Variants in NBAS observed in about 807,000 individuals in gnomAD.
NBAS encodes the protein NBAS subunit of NRZ tethering complex.
A neutral mutation model predicts 302.5 loss-of-function variants in NBAS; 219 were observed. That is an observed-to-expected ratio of 0.72 (90% CI 0.65 to 0.81). The LOEUF (loss-of-function observed/expected upper bound fraction) is 0.81. Among genes scored for constraint, NBAS ranks in the 30% least tolerant of loss-of-function variants. NBAS has a pLI of 0.00. For synonymous variants in NBAS, 1,118 were observed against 1,021.6 expected (o/e 1.09, Z -1.80); for missense variants, 2,932 against 2,841.6 (o/e 1.03, Z -0.72).
chr2:15,556,964 C>A, intron 2 of NBAS, 145 bp from the exon 3 acceptor site: 2 of 668,150 alleles, frequency 3.0e-6, no homozygotes, highest in Admixed American at 2.6e-5. Context: ...AAATGAGAGA[C>A]TAAATATAAC....
the NBAS span, among the ~76,000 whole-genome samples, chr2:14,794,169 T>C: frequency 6.6e-6 from 1 of 152,130 alleles, no homozygotes; most frequent in African/African-American, 2.4e-5. Context: ...TACCTGAAAA[T>C]TGTCCACTCT....
the NBAS span, among the ~76,000 whole-genome samples, chr2:14,888,042 C>T: frequency 1.3e-5 from 2 of 152,262 alleles, no homozygotes; most frequent in South Asian, 2.1e-4. Context: ...CTCCCCAAGA[C>T]AAGTGATCTT....
At chr2:15,150,066 C>CAAA in the NBAS span, among the ~76,000 whole-genome samples, 1,514 of 64,114 alleles carry the variant, frequency 0.024, 35 homozygotes, top group African/African-American at 0.069. Flanking sequence ...AACCCTGTCT[C>CAAA]AAAAAAAAAA....
chr2:15,016,755 G>A, the NBAS span, among the ~76,000 whole-genome samples: 2 of 152,104 alleles, frequency 1.3e-5, no homozygotes, highest in Non-Finnish European at 2.9e-5. Flanking sequence ...AAGACATCAT[G>A]GTACTGGCAT....
In NBAS at chr2:15,186,872, T is replaced by A. The variant is rs1355170448; in HGVS notation, c.6581A>T (p.Asn2194Ile). 6.2e-7 allele frequency: 1 copy of A among 1,614,000 alleles called. No individual in the cohort carries two copies. Among genetic ancestry groups the A allele is most frequent in the South Asian group, 1.1e-5 (1 of 91,088 alleles). Reference protein sequence around the residue: ...PPMKSEYVITNNPWVRLATVM... With the variant: ...PPMKSEYVITINPWVRLATVM... ...TGTAGCTAGTCTCACCCATGGATTA[T>A]TGGTTATGCTGGTGTTTATGGAGAA... is the stretch of plus-strand genomic sequence containing the variant. The change falls in exon 50 of 52, where the codon AAT (asparagine) becomes ATT (isoleucine). Residue 2194 changes from asparagine to isoleucine, a missense_variant. Asn to Ile is a moderately radical substitution (Grantham distance 149, BLOSUM62 -3). Transcript: ENST00000281513.
Position 15,308,293 on chromosome 2 carries a change from C to G in NBAS, c.4720G>C (p.Ala1574Pro). 6.2e-7 allele frequency: 1 copy of G among 1,614,134 alleles called. No homozygotes were observed. The highest frequency in any genetic ancestry group is 8.5e-7 in the Non-Finnish European group (1 of 1,180,038). The part of the protein sequence containing the change: ...QSPSALSLQL[A>P]AYYYSLQIYA... Reference sequence around the variant, plus strand: ...ATCTGGAGGCTATAGTAATACGCTGCCAGCTGGAGAGATAATGCAGAGGGG... The same window carrying G: ...ATCTGGAGGCTATAGTAATACGCTGGCAGCTGGAGAGATAATGCAGAGGGG... The change falls in exon 40 of 52, where the codon GCA (alanine) becomes CCA (proline). Residue 1574 changes from alanine (A) to proline (P), a missense_variant. By Grantham distance (27) the Ala-to-Pro change is conservative. Transcript: ENST00000281513.
chr2:15,046,502 C>G, the NBAS span, among the ~76,000 whole-genome samples: 1 of 152,104 alleles, frequency 6.6e-6, no homozygotes, highest in Non-Finnish European at 1.5e-5. Flanking sequence ...GTTCCTGAAG[C>G]AATTATAATG....
intron 9 of NBAS, among the ~76,000 whole-genome samples, chr2:15,518,363 T>C (rs1662505241): frequency 6.6e-6 from 1 of 152,228 alleles, no homozygotes; most frequent in Admixed American, 6.5e-5. Context: ...AAATAATTTA[T>C]ATCATTAGCG....
At chr2:15,479,236 G>A (rs148900062) in intron 12 of NBAS, among the ~76,000 whole-genome samples, 201 of 152,116 alleles carry the variant, frequency 1.3e-3, no homozygotes, top group African/African-American at 4.3e-3. Context: ...TACCATAAAA[G>A]CCTACTTATA....
At chr2:15,142,046 C>T in the NBAS span, among the ~76,000 whole-genome samples, 1 of 152,214 alleles carries the variant, frequency 6.6e-6, no homozygotes, top group Non-Finnish European at 1.5e-5. Context: ...ATAAATCCAG[C>T]ATTACCTCCA....
the NBAS span, among the ~76,000 whole-genome samples, chr2:14,891,190 AC>A: frequency 6.6e-6 from 1 of 152,228 alleles, no homozygotes; most frequent in Non-Finnish European, 1.5e-5. Context: ...TGGGCAGACC[AC>A]AGGGCTGGGC....
At chr2:14,865,701 T>G in the NBAS span, among the ~76,000 whole-genome samples, 3 of 152,240 alleles carry the variant, frequency 2.0e-5, no homozygotes, top group African/African-American at 2.4e-5. Flanking sequence ...AATTATGTAC[T>G]AGACTTATAG....
chr2:15,336,367 C>T (rs1188611489), intron 35 of NBAS, among the ~76,000 whole-genome samples: 1 of 152,106 alleles, frequency 6.6e-6, no homozygotes, highest in Non-Finnish European at 1.5e-5. Flanking sequence ...ATCTCTATTG[C>T]TTGGATCTAT....
At chr2:15,258,524 G>C (rs538727049) in intron 44 of NBAS, among the ~76,000 whole-genome samples, 3 of 152,036 alleles carry the variant, frequency 2.0e-5, no homozygotes, top group Non-Finnish European at 4.4e-5. Flanking sequence ...TGCATTCCTG[G>C]GGGGAGGTCT....
chr2:15,319,818 G>C (rs1558531201), intron 38 of NBAS, among the ~76,000 whole-genome samples: 1 of 152,070 alleles, frequency 6.6e-6, no homozygotes, highest in Non-Finnish European at 1.5e-5. Context: ...CAGAGGTACA[G>C]AGAGGAGCTG....
At chr2:15,131,347 T>A in the NBAS span, among the ~76,000 whole-genome samples, 1 of 152,158 alleles carries the variant, frequency 6.6e-6, no homozygotes, top group Admixed American at 6.5e-5. Flanking sequence ...CGACCTCTAT[T>A]ACTATGAAGC....
At chr2:15,459,700 C>T (rs867121633) in intron 21 of NBAS, among the ~76,000 whole-genome samples, 41 of 152,092 alleles carry the variant, frequency 2.7e-4, no homozygotes, top group Middle Eastern at 3.4e-3. Context: ...AGGATGGTCT[C>T]GATCTCCTGA....
At chr2:14,803,977 A>G in the NBAS span, among the ~76,000 whole-genome samples, 1 of 152,172 alleles carries the variant, frequency 6.6e-6, no homozygotes, top group Non-Finnish European at 1.5e-5. Flanking sequence ...TGTTACAGAT[A>G]AGAAGCTAAT....
the NBAS span, among the ~76,000 whole-genome samples, chr2:14,857,912 C>T: frequency 3.9e-5 from 6 of 151,960 alleles, no homozygotes; most frequent in South Asian, 6.3e-4. Context: ...AAAATATTTG[C>T]AAACTATCCC....
Sources: allele counts gnomAD v4.1 joint callset (sites outside exome capture counted in the v4.1 genomes callset), GRCh38; gene constraint gnomAD v4.1.1; transcripts MANE v1.5; gene names NCBI Gene and HGNC (gene_info 2026-07-23, HGNC 2026-07-21).